The following NR3C1 variants were observed in gnomAD, a reference collection of about 807,000 sequenced individuals.
NR3C1 encodes nuclear receptor subfamily 3 group C member 1.
NR3C1 carries 14 observed loss-of-function variants against 74.0 expected under a neutral mutation model. The ratio of observed to expected loss-of-function variants is 0.19; its 90% confidence interval spans 0.12 to 0.30. NR3C1 has a LOEUF of 0.30. Among genes scored for constraint, NR3C1 ranks in the 10% least tolerant of loss-of-function variants. The pLI, the probability that NR3C1 is intolerant of heterozygous loss-of-function variation, is 1.00. For missense variants in NR3C1, 695 were observed against 909.8 expected (o/e 0.76, Z 3.04); for synonymous variants, 308 against 332.5 (o/e 0.93, Z 0.80).
At chr5:143,364,331 C>T (rs921232854) in intron 2 of NR3C1, among the ~76,000 whole-genome samples, 1 of 152,144 alleles carries the variant, frequency 6.6e-6, no homozygotes, top group African/African-American at 2.4e-5. Context: ...AACACATTCC[C>T]AGATAACAAA....
At chr5:143,373,734 A>C (rs909216049) in intron 2 of NR3C1, among the ~76,000 whole-genome samples, 1 of 152,172 alleles carries the variant, frequency 6.6e-6, no homozygotes, top group Non-Finnish European at 1.5e-5. Flanking sequence ...AAGCAAAATA[A>C]TGCAAAAAAT....
intron 2 of NR3C1, among the ~76,000 whole-genome samples, chr5:143,327,047 TA>T (rs916701267): frequency 3.3e-5 from 5 of 152,344 alleles, no homozygotes; most frequent in African/African-American, 1.2e-4. Flanking sequence ...TAATCTTCAT[TA>T]CTATCCTGTA....
chr5:143,357,281 T>C (rs1413985433), intron 2 of NR3C1, among the ~76,000 whole-genome samples: 2 of 152,188 alleles, frequency 1.3e-5, no homozygotes, highest in Non-Finnish European at 2.9e-5. Flanking sequence ...ACAGGGAAAG[T>C]TACATTTTTT....
At chr5:143,386,399 T>A (rs1361262245) in intron 2 of NR3C1, among the ~76,000 whole-genome samples, 1 of 152,216 alleles carries the variant, frequency 6.6e-6, no homozygotes, top group Non-Finnish European at 1.5e-5. Context: ...CGAAACCACA[T>A]GAATAGAATA....
intron 2 of NR3C1, among the ~76,000 whole-genome samples, chr5:143,334,943 C>T (rs1381425773): frequency 1.3e-5 from 2 of 152,008 alleles, no homozygotes; most frequent in African/African-American, 4.8e-5. Context: ...AAAATAATAC[C>T]AGAAAAGGTT....
Position 143,400,517 on chromosome 5 carries a change from C to T in NR3C1, c.323G>A (p.Gly108Asp). ...MGNDLGFPQQ[G>D]QISLSSGETD... ...TTCCCCCGAGGAAAGGCTGATTTGG[C>T]CCTGCTGTGGGAATCCCAGGTCATT... Residue 108 changes from glycine (G) to aspartate (D), a missense_variant, in exon 2 of 9, where the codon GGC becomes GAC. Coordinates refer to ENST00000394464, the MANE Select transcript of NR3C1 (RefSeq NM_000176.3). 1 of 1,614,208 alleles carries T rather than the reference C, an allele frequency of 6.2e-7. No individual in the cohort carries two copies. The highest frequency in any genetic ancestry group is 1.3e-5 in the African/African-American group (1 of 75,050).
intron 2 of NR3C1, among the ~76,000 whole-genome samples, chr5:143,348,223 A>G (rs143791270): frequency 6.6e-6 from 1 of 152,352 alleles, no homozygotes; most frequent in African/African-American, 2.4e-5. Context: ...GTGACTTCAG[A>G]TAAAACTACT....
chr5:143,337,459 T>C (rs1402881645), intron 2 of NR3C1, among the ~76,000 whole-genome samples: 1 of 152,220 alleles, frequency 6.6e-6, no homozygotes, highest in Non-Finnish European at 1.5e-5. Context: ...ACTCCATCAA[T>C]AGATATGTAT....
intron 7 of NR3C1, among the ~76,000 whole-genome samples, chr5:143,287,843 G>A (rs897577017): frequency 3.3e-5 from 5 of 152,078 alleles, no homozygotes; most frequent in Non-Finnish European, 1.5e-5. Flanking sequence ...ACCATTTCAA[G>A]CCATTTTCCT....
chr5:143,286,954 A>G (rs911953422), intron 7 of NR3C1, among the ~76,000 whole-genome samples: 1 of 152,122 alleles, frequency 6.6e-6, no homozygotes, highest in African/African-American at 2.4e-5. Flanking sequence ...ATGAATAGGA[A>G]GAGATATGGA....
At chr5:143,355,706 T>C (rs140771531) in intron 2 of NR3C1, among the ~76,000 whole-genome samples, 23 of 152,306 alleles carry the variant, frequency 1.5e-4, no homozygotes, top group Middle Eastern at 3.4e-3. Flanking sequence ...TAAAAACTTC[T>C]CATTATCATG....
intron 2 of NR3C1, among the ~76,000 whole-genome samples, chr5:143,341,568 A>ATTC (rs1828231859): frequency 6.6e-6 from 1 of 152,244 alleles, no homozygotes; most frequent in Non-Finnish European, 1.5e-5. Flanking sequence ...CAAACACAAG[A>ATTC]AGAGAAGTCT....
intron 2 of NR3C1, among the ~76,000 whole-genome samples, chr5:143,392,091 G>A (rs1300856519): frequency 1.3e-5 from 2 of 151,730 alleles, no homozygotes; most frequent in African/African-American, 4.9e-5. Flanking sequence ...TCAGGCTCCC[G>A]AGTAGCTGGG....
At position 143,280,611 on chromosome 5, in the gene NR3C1, G is replaced by A. The variant is rs1812942848; in HGVS notation, c.*1278C>T. ...GTTAAACTCTATGGCACACATTAGG[G>A]ATGTGTAGTTTTACAAACATGGATG... On this transcript the variant is annotated 3_prime_UTR_variant, in exon 9 of 9. Coordinates refer to ENST00000394464, the MANE Select transcript of NR3C1 (RefSeq NM_000176.3). The A allele has an allele frequency of 6.6e-6, 1 of 152,586 alleles. No homozygotes were observed. Among genetic ancestry groups the A allele is most frequent in the African/African-American group, 2.4e-5 (1 of 41,424 alleles). The allele number at this position is 152,586 out of a possible 1,614,324, so 9.5% of individuals were successfully genotyped here. A position where few individuals can be genotyped will look rare whatever the true frequency, so the allele number is the denominator to read the frequency against.
At chr5:143,378,219 C>T (rs2151878348) in intron 2 of NR3C1, among the ~76,000 whole-genome samples, 1 of 152,152 alleles carries the variant, frequency 6.6e-6, no homozygotes, top group East Asian at 1.9e-4. Context: ...CCATTGCACT[C>T]CAGCCTGGGT....
At position 143,333,683 on chromosome 5, in the gene NR3C1, G is replaced by A. The variant is rs537090873; in HGVS notation, c.1185-19515C>T. 3.1e-3 allele frequency among the ~76,000 whole-genome samples: 466 copies of A among 152,116 alleles called. 3 individuals carry two copies. Among genetic ancestry groups the A allele is most frequent in the Middle Eastern group, 6.8e-3 (2 of 294 alleles). ...CTCGAGAGGCTAAGGCAGGAAAATC[G>A]CTTGAACCCAGGAGGCAGAGACTGC... On this transcript the variant is annotated intron_variant, in intron 2 of 8. Coordinates refer to ENST00000394464, the MANE Select transcript of NR3C1 (RefSeq NM_000176.3).
At chr5:143,283,446 G>T (rs894053111) in intron 7 of NR3C1, among the ~76,000 whole-genome samples, 1 of 152,248 alleles carries the variant, frequency 6.6e-6, no homozygotes, top group East Asian at 1.9e-4. Context: ...GTGATTTTTA[G>T]TTAACTTTGT....
chr5:143,392,653 T>C (rs1160769989), intron 2 of NR3C1, among the ~76,000 whole-genome samples: 2 of 152,190 alleles, frequency 1.3e-5, no homozygotes, highest in Admixed American at 6.5e-5. Flanking sequence ...ATAAAAACTT[T>C]CACAGAGTTG....
intron 2 of NR3C1, among the ~76,000 whole-genome samples, chr5:143,394,764 C>G (rs911605468): frequency 1.3e-5 from 2 of 151,850 alleles, no homozygotes; most frequent in African/African-American, 4.8e-5. Flanking sequence ...AATTGTAATT[C>G]TGATTGATGC....
Sources: gnomAD v4.1 joint callset for allele counts (sites outside exome capture counted in the v4.1 genomes callset) on GRCh38, gnomAD v4.1.1 for gene constraint, MANE v1.5 for transcripts, NCBI Gene and HGNC (gene_info 2026-07-23, HGNC 2026-07-21) for gene names.